The following MMP26 variants were observed in gnomAD, a reference collection of about 807,000 sequenced individuals.
The protein encoded by MMP26 is matrix metallopeptidase 26, also known as matrix metalloproteinase-26.
In MMP26, 33 loss-of-function variants were observed where a neutral mutation model predicts 31.0. The ratio of observed to expected loss-of-function variants is 1.06; its 90% CI spans 0.81 to 1.42. MMP26 has a LOEUF of 1.42. MMP26 is among the 40% of genes most tolerant of loss of function. The pLI is 0.00. For synonymous variants in MMP26, 122 were observed against 114.9 expected, an observed-to-expected ratio of 1.06 and a Z score of -0.40; for missense variants, 347 against 316.1, an observed-to-expected ratio of 1.10 and a Z score of -0.74.
At chr11:4,840,490 A>G (rs1849779444) in intron 2 of MMP26, among the ~76,000 whole-genome samples, 1 of 152,206 alleles carries the variant, frequency 6.6e-6, no homozygotes, top group Non-Finnish European at 1.5e-5. Context: ...GACAGACTCC[A>G]TTTATTTGGG....
At chr11:4,714,945 C>T (rs1847908172) in intron 1 of MMP26, among the ~76,000 whole-genome samples, 1 of 151,950 alleles carries the variant, frequency 6.6e-6, no homozygotes, top group African/African-American at 2.4e-5. Context: ...CACACACACA[C>T]ACACACACAC....
At chr11:4,740,322 C>T (rs542085615) in intron 1 of MMP26, among the ~76,000 whole-genome samples, 2 of 151,640 alleles carry the variant, frequency 1.3e-5, no homozygotes, top group Admixed American at 6.6e-5. Context: ...AATAAATGAC[C>T]AAGAAAGTTA....
chr11:4,888,407 TA>T (rs1479114264), intron 2 of MMP26, among the ~76,000 whole-genome samples: 1 of 152,154 alleles, frequency 6.6e-6, no homozygotes, highest in Non-Finnish European at 1.5e-5. Context: ...AGTTTAACAT[TA>T]TTTCTAAGCT....
intron 2 of MMP26, among the ~76,000 whole-genome samples, chr11:4,856,538 T>C (rs576382562): frequency 6.6e-6 from 1 of 152,296 alleles, no homozygotes; most frequent in Admixed American, 6.5e-5. Flanking sequence ...TAAATATATA[T>C]GCGCCCAATA....
In MMP26 at chr11:4,743,862, T is replaced by C. The variant is rs1007931552; in HGVS notation, c.-216-23408T>C. Among the ~76,000 whole-genome samples the C allele has an allele frequency of 9.9e-5, 15 of 152,164 alleles. 1 individual carries two copies. The highest frequency in any genetic ancestry group is 2.9e-4 in the African/African-American group (12 of 41,434). ...ACAGTGTCATCTAGGCTGGAGTGTA[T>C]TGGCACGATCATAGCTCACTGCAGC... On this transcript the variant is annotated intron_variant, in intron 1 of 7. Transcript: ENST00000380390.
intron 2 of MMP26, among the ~76,000 whole-genome samples, chr11:4,791,234 C>A (rs919155766): frequency 6.6e-6 from 1 of 152,158 alleles, no homozygotes; most frequent in South Asian, 2.1e-4. Flanking sequence ...TTAATAGTTG[C>A]GGCTATGAAC....
chr11:4,877,854 A>T (rs918763625), intron 2 of MMP26: 1 of 152,206 alleles, frequency 6.6e-6, no homozygotes, highest in Non-Finnish European at 1.5e-5. Context: ...ATAAACATTT[A>T]TACTTTAAAA....
intron 2 of MMP26, among the ~76,000 whole-genome samples, chr11:4,836,583 A>G (rs890009960): frequency 4.0e-5 from 6 of 151,612 alleles, no homozygotes; most frequent in Admixed American, 6.6e-5. Flanking sequence ...TTAGAAGTAA[A>G]AACTATTGTA....
intron 2 of MMP26, chr11:4,803,980 C>T (rs989215241): frequency 1.4e-5 from 23 of 1,613,466 alleles, no homozygotes; most frequent in African/African-American, 4.0e-5. Context: ...GCTAGAGTGT[C>T]GGAGTGGGAA....
At chr11:4,717,829 G>C (rs1329068743) in intron 1 of MMP26, among the ~76,000 whole-genome samples, 1 of 152,158 alleles carries the variant, frequency 6.6e-6, no homozygotes, top group Non-Finnish European at 1.5e-5. Context: ...TAAATGTCAA[G>C]AGTATTTTAA....
chr11:4,789,790 C>A lies in MMP26; in HGVS notation c.-145+22449C>A, dbSNP rs12804065. ...CTCCTGACCTTGTGATATGCCCGCC[C>A]CAGCCTCCTAAAGTGCTGGGAAGCA... On this transcript the variant is annotated intron_variant, in intron 2 of 7. Transcript: ENST00000380390. 3.8e-3 allele frequency among the ~76,000 whole-genome samples: 577 copies of A among 151,212 alleles called. 2 individuals are homozygous for A. The highest frequency in any genetic ancestry group is 0.013 in the African/African-American group (534 of 41,240).
intron 1 of MMP26, chr11:4,711,817 C>A (rs1589880867): frequency 6.6e-6 from 1 of 152,152 alleles, no homozygotes; most frequent in African/African-American, 2.4e-5. Context: ...AAGAGTAACA[C>A]TTTTCTGGGG....
intron 2 of MMP26, among the ~76,000 whole-genome samples, chr11:4,869,690 C>G (rs1297736958): frequency 6.6e-6 from 1 of 152,126 alleles, no homozygotes; most frequent in South Asian, 2.1e-4. Context: ...ACTAGAAATA[C>G]CATTTGACCC....
intron 2 of MMP26, among the ~76,000 whole-genome samples, chr11:4,788,865 A>G (rs1323168470): frequency 6.6e-6 from 1 of 152,114 alleles, no homozygotes; most frequent in African/African-American, 2.4e-5. Context: ...GCATGTATTG[A>G]ATGGATGGAT....
chr11:4,952,291 T>G (rs1396906011), intron 2 of MMP26, among the ~76,000 whole-genome samples: 1 of 125,298 alleles, frequency 8.0e-6, no homozygotes, highest in African/African-American at 2.7e-5. Context: ...AAGAATAAGA[T>G]GCTTATTAAA....
At position 4,915,153 on chromosome 11, in the gene MMP26, A is replaced by G. The variant is rs988418552; in HGVS notation, c.-144-72915A>G. On this transcript the variant is annotated intron_variant, in intron 2 of 7. Coordinates refer to ENST00000380390, the MANE Select transcript of MMP26 (RefSeq NM_021801.5). ...AGAACTGGGGAGCCACAATAGGGGA[A>G]TCTTTTGAGCATAAAAGGTAATGGA... 21 of 1,613,986 alleles carry G rather than the reference A, an allele frequency of 1.3e-5. No individual in the cohort carries two copies. The highest frequency in any genetic ancestry group is 1.7e-5 in the Non-Finnish European group (20 of 1,180,024).
chr11:4,772,451 A>C (rs1394457118), intron 2 of MMP26, among the ~76,000 whole-genome samples: 1 of 152,144 alleles, frequency 6.6e-6, no homozygotes, highest in Non-Finnish European at 1.5e-5. Context: ...TTCCACATTG[A>C]ACCATAGGGA....
At chr11:4,924,089 A>G in intron 2 of MMP26, 5 of 1,614,182 alleles carry the variant, frequency 3.1e-6, no homozygotes, top group Non-Finnish European at 4.2e-6. Flanking sequence ...GAAAATGCCC[A>G]GCACAGTGGG....
intron 2 of MMP26, among the ~76,000 whole-genome samples, chr11:4,869,912 G>T (rs940031619): frequency 3.9e-5 from 6 of 152,158 alleles, no homozygotes; most frequent in African/African-American, 1.4e-4. Flanking sequence ...ATGAGTTCAT[G>T]TCCTTTGTAG....
Sources: gnomAD v4.1 joint callset for allele counts (sites outside exome capture counted in the v4.1 genomes callset) on GRCh38, gnomAD v4.1.1 for gene constraint, MANE v1.5 for transcripts, NCBI Gene and HGNC (gene_info 2026-07-23, HGNC 2026-07-21) for gene names.